The following ADGB variants were observed in gnomAD, a reference collection of about 807,000 sequenced individuals.
The protein encoded by ADGB is calpain-7-like protein.
A neutral mutation model predicts 210.5 loss-of-function variants in ADGB; 172 were observed. That is an observed-to-expected ratio of 0.82 (90% CI 0.72 to 0.93). The LOEUF is 0.93. Ranked by LOEUF, ADGB falls within the 40% of genes least tolerant of loss-of-function variation. The pLI is 0.00. For missense variants in ADGB, 2,025 were observed against 1,964.8 expected (o/e 1.03, Z -0.58); for synonymous variants, 658 against 662.7 (o/e 0.99, Z 0.11).
At position 146,724,266 on chromosome 6, in the gene ADGB, A is replaced by G; in HGVS notation, c.2176A>G (p.Ser726Gly). 2 of 1,551,112 alleles carry G rather than the reference A, an allele frequency of 1.3e-6. No individual in the cohort carries two copies. Among genetic ancestry groups the G allele is most frequent in the South Asian group, 1.2e-5 (1 of 83,900 alleles). Residue 726 changes from serine to glycine, a missense_variant, in exon 18 of 36, where the codon AGT (serine) becomes GGT (glycine). Ser to Gly is a moderately conservative substitution (Grantham distance 56, BLOSUM62 0). Coordinates refer to ENST00000397944, the MANE Select transcript of ADGB (RefSeq NM_024694.4). ...TTCTTGGAAATCCCTGAAACCAGGC[A>G]GTCTTGTTCTGAAGATTCACACATA... Reference protein sequence around the residue: ...TFSWKSLKPGSLVLKIHTYAT... With the variant: ...TFSWKSLKPGGLVLKIHTYAT...
intron 2 of ADGB, among the ~76,000 whole-genome samples, chr6:146,641,736 C>T (rs895967154): frequency 2.6e-5 from 4 of 152,110 alleles, no homozygotes; most frequent in Admixed American, 2.6e-4. Context: ...TGTTCTTACA[C>T]CATACACAAA....
chr6:146,675,762 A>G (rs1776075258), intron 8 of ADGB, among the ~76,000 whole-genome samples: 2 of 152,142 alleles, frequency 1.3e-5, no homozygotes, highest in Non-Finnish European at 2.9e-5. Context: ...TGAGCATTCA[A>G]ATGGTGGGAA....
intron 33 of ADGB, among the ~76,000 whole-genome samples, chr6:146,794,278 G>C (rs532336886): frequency 3.9e-5 from 6 of 152,210 alleles, no homozygotes; most frequent in African/African-American, 1.4e-4. Flanking sequence ...TGTTAAAAAG[G>C]TTGTGAGTTT....
At position 146,733,361 on chromosome 6, in the gene ADGB, T is replaced by G. The variant is rs553846041; in HGVS notation, c.2656+106T>G. 2.6e-5 allele frequency: 30 copies of G among 1,175,948 alleles called. No homozygotes were observed. In the East Asian group the frequency reaches 8.3e-4, roughly 32 times the overall value. The allele number at this position is 1,175,948 out of a possible 1,614,324, so 72.8% of individuals were successfully genotyped here. ...GTAAGTGGAATAAGTCTGTGTGGAC[T>G]GTCATGGAGTTCAAGCAGTGCTCTA... is the stretch of plus-strand genomic sequence containing the variant. On this transcript the variant is annotated intron_variant, in intron 21 of 35. Transcript: ENST00000397944.
rs552001679 is a variant in ADGB at position 146,635,636 on chromosome 6, T to A, written c.237+99T>A. On this transcript the variant is annotated intron_variant, in intron 2 of 35. Coordinates refer to ENST00000397944, the MANE Select transcript of ADGB (RefSeq NM_024694.4). ...AAAAGGTATTCATTCTTCTCCATAA[T>A]GTGCATTCAAAAGGGAAATTTTTTA... 55 of 1,259,878 alleles carry A rather than the reference T, an allele frequency of 4.4e-5. No individual in the cohort carries two copies. The African/African-American group carries it at 7.3e-4, about 17-fold the overall frequency. 78.0% of individuals were successfully genotyped at this position (1,259,878 alleles called of 1,614,324 possible). A position where few individuals can be genotyped will look rare whatever the true frequency, so the allele number is the denominator to read the frequency against.
intron 9 of ADGB, among the ~76,000 whole-genome samples, chr6:146,677,251 G>T (rs1433214400): frequency 6.6e-6 from 1 of 152,162 alleles, no homozygotes; most frequent in Non-Finnish European, 1.5e-5. Context: ...TCAGGAGGAA[G>T]ACTAGAGTGT....
chr6:146,793,229 G>T (rs9497627), intron 33 of ADGB, among the ~76,000 whole-genome samples: 2 of 125,212 alleles, frequency 1.6e-5, no homozygotes, highest in Non-Finnish European at 3.2e-5. Context: ...GCACTGATTG[G>T]TGCGTTTTAC....
intron 16 of ADGB, among the ~76,000 whole-genome samples, chr6:146,718,943 C>A (rs889921342): frequency 3.3e-5 from 5 of 152,092 alleles, no homozygotes; most frequent in Admixed American, 6.5e-5. Context: ...AGAGATAACA[C>A]AACAATTAAT....
At chr6:146,656,670 ATAT>A (rs1777303642) in intron 4 of ADGB, 98 bp from the exon 5 acceptor site, 1 of 744,754 alleles carries the variant, frequency 1.3e-6, no homozygotes, top group African/African-American at 1.8e-5. Context: ...GTATAATTTA[ATAT>A]TATTCTTGGA....
At chr6:146,784,061 A>G (rs1470746642) in intron 30 of ADGB, among the ~76,000 whole-genome samples, 1 of 152,224 alleles carries the variant, frequency 6.6e-6, no homozygotes, top group Non-Finnish European at 1.5e-5. Flanking sequence ...CAGTTATAAC[A>G]TTCAGTGAGT....
intron 35 of ADGB, chr6:146,802,710 C>G: frequency 8.0e-7 from 1 of 1,255,696 alleles, no homozygotes; most frequent in Non-Finnish European, 1.1e-6. Flanking sequence ...CCACAGTTCA[C>G]AGTTCTCAGA....
intron 2 of ADGB, among the ~76,000 whole-genome samples, chr6:146,638,044 C>G (rs1041143047): frequency 2.0e-5 from 3 of 152,020 alleles, no homozygotes; most frequent in African/African-American, 7.2e-5. Context: ...CCACCATGAT[C>G]AAGTAGGCTT....
At chr6:146,807,565 AAAAG>A (rs1778231545) in intron 35 of ADGB, 1 of 1,537,312 alleles carries the variant, frequency 6.5e-7, no homozygotes, top group Non-Finnish European at 8.7e-7. Flanking sequence ...ACACAGAAAA[AAAAG>A]AAAGGAAAGA....
chr6:146,742,787 C>A (rs1031297656), intron 25 of ADGB, among the ~76,000 whole-genome samples: 2 of 152,218 alleles, frequency 1.3e-5, no homozygotes, highest in Non-Finnish European at 2.9e-5. Flanking sequence ...GCTTGTCCAA[C>A]CTGCGGCCCA....
intron 29 of ADGB, among the ~76,000 whole-genome samples, chr6:146,778,378 T>A (rs1451114918): frequency 1.3e-5 from 2 of 152,326 alleles, no homozygotes; most frequent in African/African-American, 2.4e-5. Flanking sequence ...CCCCAAAGTT[T>A]ATGGCTGACA....
intron 13 of ADGB, among the ~76,000 whole-genome samples, chr6:146,711,162 G>A (rs1776651394): frequency 6.6e-6 from 1 of 152,098 alleles, no homozygotes; most frequent in Admixed American, 6.5e-5. Context: ...TGTTTTGTAA[G>A]GATTATTACT....
intron 28 of ADGB, among the ~76,000 whole-genome samples, chr6:146,766,239 A>G (rs983339682): frequency 3.3e-5 from 5 of 151,958 alleles, no homozygotes; most frequent in Non-Finnish European, 7.4e-5. Flanking sequence ...CCTGGCCAAC[A>G]TGGTAGAGAA....
chr6:146,680,771 G>T (rs549512207), intron 9 of ADGB, among the ~76,000 whole-genome samples: 1 of 152,196 alleles, frequency 6.6e-6, no homozygotes, highest in Non-Finnish European at 1.5e-5. Flanking sequence ...AGAATTGTCT[G>T]TTTTTCCAAA....
intron 23 of ADGB, among the ~76,000 whole-genome samples, chr6:146,738,074 C>T (rs1176448877): frequency 6.6e-6 from 1 of 152,122 alleles, no homozygotes; most frequent in African/African-American, 2.4e-5. Context: ...TGAAGCTAAC[C>T]CCAGCTCTAC....
Sources: allele counts gnomAD v4.1 joint callset (sites outside exome capture counted in the v4.1 genomes callset), GRCh38; gene constraint gnomAD v4.1.1; transcripts MANE v1.5; gene names NCBI Gene and HGNC (gene_info 2026-07-23, HGNC 2026-07-21).